ELP6: variants seen among roughly 807,000 people sequenced by gnomAD.
ELP6 encodes the protein elongator acetyltransferase complex subunit 6.
A neutral mutation model predicts 28.1 loss-of-function variants in ELP6; 23 were observed. The observed-to-expected ratio is 0.82, with a 90% CI of 0.59 to 1.16. The LOEUF (loss-of-function observed/expected upper bound fraction) is 1.16. ELP6 is among the 50% of genes most tolerant of loss of function. ELP6 has a pLI of 0.00. For missense variants in ELP6, 313 were observed against 334.6 expected (o/e 0.94, Z 0.50); for synonymous variants, 132 against 135.8 (o/e 0.97, Z 0.19).
chr3:47,511,913 C>T (rs1394721912), intron 1 of ELP6: 2 of 985,078 alleles, frequency 2.0e-6, no homozygotes, highest in East Asian at 1.1e-4. Context: ...TCCACAAATG[C>T]CTTAACTTCT....
chr3:47,499,820 C>T (rs1708591760), intron 5 of ELP6: 1 of 1,129,752 alleles, frequency 8.9e-7, no homozygotes, highest in Non-Finnish European at 1.1e-6. Flanking sequence ...GGGCTGTGGC[C>T]CCAGCTGGAC....
intron 4 of ELP6, among the ~76,000 whole-genome samples, chr3:47,503,954 AAAAC>A (rs1708746883): frequency 6.6e-6 from 1 of 152,216 alleles, no homozygotes; most frequent in Non-Finnish European, 1.5e-5. Context: ...AATATGAAAC[AAAAC>A]AAACAAAACA....
intron 5 of ELP6, among the ~76,000 whole-genome samples, chr3:47,500,993 C>T (rs1708632665): frequency 6.6e-6 from 1 of 152,228 alleles, no homozygotes. Flanking sequence ...CATCTCACTT[C>T]ACTCTTGCAG....
intron 5 of ELP6, among the ~76,000 whole-genome samples, chr3:47,500,884 C>T (rs951282917): frequency 2.0e-5 from 3 of 152,166 alleles, no homozygotes; most frequent in African/African-American, 4.8e-5. Flanking sequence ...TCAGTCTGAC[C>T]GCACCATACC....
chr3:47,510,236 A>C lies in ELP6; in HGVS notation c.152T>G (p.Phe51Cys). The C allele has an allele frequency of 6.2e-7, 1 of 1,613,864 alleles. No homozygotes were observed. Among genetic ancestry groups the C allele is most frequent in the Non-Finnish European group, 8.5e-7 (1 of 1,179,776 alleles). ...FYLKANCKVC[F>C]VALIQSFSHY... ...GCTGAAGGACTGGATGAGTGCCACA[A>C]AGCAGACTTTACAATTAGCTAGAAA... Residue 51 changes from phenylalanine (F) to cysteine (C), a missense_variant, in exon 3 of 7, where the codon TTT becomes TGT. Transcript: ENST00000296149.
chr3:47,513,392 G>A (rs906314607), intron 1 of ELP6, 145 bp downstream of exon 1: 2 of 1,439,868 alleles, frequency 1.4e-6, no homozygotes, highest in Non-Finnish European at 1.8e-6. Context: ...CCAATCCCCG[G>A]GTCGATCCTC....
intron 1 of ELP6, chr3:47,512,402 A>T (rs1247238669): frequency 3.6e-5 from 6 of 165,756 alleles, no homozygotes; most frequent in Non-Finnish European, 6.2e-5. Context: ...CAGCCAAGTA[A>T]TTAGCCCGGT....
Position 47,501,864 on chromosome 3 carries a change from G to A in ELP6, c.324-13C>T, listed in dbSNP as rs763606300. 1.9e-6 allele frequency: 3 copies of A among 1,607,924 alleles called. No homozygotes were observed. Among genetic ancestry groups the A allele is most frequent in the Non-Finnish European group, 1.7e-6 (2 of 1,176,982 alleles). On this transcript the variant is annotated splice_polypyrimidine_tract_variant and intron_variant, in intron 4 of 6. Coordinates refer to ENST00000296149, the MANE Select transcript of ELP6 (RefSeq NM_001031703.3). ...AGCATTAGCCTCCCTGGAGAGACAG[G>A]ACAAAAGTTACCAGACTTCACTCTC... is the stretch of plus-strand genomic sequence containing the variant.
intron 5 of ELP6, chr3:47,500,262 G>C: frequency 1.9e-6 from 2 of 1,038,448 alleles, no homozygotes; most frequent in Non-Finnish European, 2.3e-6. Flanking sequence ...CAGGTTACCA[G>C]TAATGTGAAG....
chr3:47,504,093 T>C (rs1479210103), intron 4 of ELP6: 9 of 464,258 alleles, frequency 1.9e-5, no homozygotes, highest in Non-Finnish European at 3.0e-5. Context: ...GCAAAGCATA[T>C]AGTTCTGCCA....
In ELP6 at chr3:47,498,428, T is replaced by C. The variant is rs758777821; in HGVS notation, c.530A>G (p.Asn177Ser). Residue 177 changes from asparagine (N) to serine (S), a missense_variant, in exon 6 of 7, where the codon AAC (asparagine) becomes AGC (serine). Coordinates refer to ENST00000296149, the MANE Select transcript of ELP6 (RefSeq NM_001031703.3). ...ACTGTCGTGCACAAGGACCACCATGTTTCCCTGCATCAGATACAAGATGGA... is the reference window on the plus strand; with the variant it reads ...ACTGTCGTGCACAAGGACCACCATGCTTCCCTGCATCAGATACAAGATGGA... ...RATVCWELKG[N>S]MVVLVHDSGD... is the part of the protein sequence containing the mutation. 1.9e-6 allele frequency: 3 copies of C among 1,612,260 alleles called. No individual in the cohort carries two copies. The highest frequency in any genetic ancestry group is 2.5e-6 in the Non-Finnish European group (3 of 1,179,942).
chr3:47,510,761 T>C (rs1559595104), intron 2 of ELP6, among the ~76,000 whole-genome samples: 2 of 152,178 alleles, frequency 1.3e-5, no homozygotes, highest in South Asian at 4.1e-4. Flanking sequence ...CGCCCAGCCA[T>C]GCAGCAGCCA....
At position 47,503,142 on chromosome 3, in the gene ELP6, C is replaced by A. The variant is rs944498482; in HGVS notation, c.323+1188G>T. On this transcript the variant is annotated intron_variant, in intron 4 of 6. Coordinates refer to ENST00000296149, the MANE Select transcript of ELP6 (RefSeq NM_001031703.3). Reference sequence around the variant, plus strand: ...CCCCATACCTTGGGATGAGGTATAACCAGCCCCTGCCTTCAAATGAGGAAA... The same window carrying A: ...CCCCATACCTTGGGATGAGGTATAAACAGCCCCTGCCTTCAAATGAGGAAA... The A allele has an allele frequency of 6.1e-6, 7 of 1,144,438 alleles. No homozygotes were observed. In the African/African-American group the frequency reaches 1.1e-4, roughly 19 times the overall value. 70.9% of individuals were successfully genotyped at this position (1,144,438 alleles called of 1,614,324 possible).
intron 5 of ELP6, among the ~76,000 whole-genome samples, chr3:47,501,217 T>C (rs1340209759): frequency 2.6e-5 from 4 of 152,352 alleles, no homozygotes; most frequent in South Asian, 2.1e-4. Context: ...ACCTCTATTA[T>C]GGCAAAAATC....
At chr3:47,513,058 T>C in intron 1 of ELP6, 1 of 966,030 alleles carries the variant, frequency 1.0e-6, no homozygotes, top group Non-Finnish European at 1.2e-6. Context: ...TGGCGAGATC[T>C]CGGGTCACTG....
At chr3:47,498,723 A>G (rs1392661319) in intron 5 of ELP6, 2 of 985,248 alleles carry the variant, frequency 2.0e-6, no homozygotes, top group African/African-American at 1.7e-5. Context: ...GAATGTTACT[A>G]AAAGTGTCAC....
At chr3:47,498,852 C>T (rs1195393496) in intron 5 of ELP6, among the ~76,000 whole-genome samples, 1 of 152,088 alleles carries the variant, frequency 6.6e-6, no homozygotes, top group Non-Finnish European at 1.5e-5. Context: ...CAGATGCTGA[C>T]AATACAGAAT....
At chr3:47,505,136 G>A (rs747222736) in intron 3 of ELP6, among the ~76,000 whole-genome samples, 17 of 151,592 alleles carry the variant, frequency 1.1e-4, no homozygotes, top group Non-Finnish European at 1.9e-4. Flanking sequence ...GCGTGGTGGC[G>A]GGCGCCTGCA....
intron 5 of ELP6, chr3:47,499,988 C>A: frequency 1.5e-6 from 2 of 1,338,702 alleles, no homozygotes; most frequent in Admixed American, 2.1e-5. Context: ...GCTGCTGCTT[C>A]AGACACACTG....
Sources: allele counts gnomAD v4.1 joint callset (sites outside exome capture counted in the v4.1 genomes callset), GRCh38; gene constraint gnomAD v4.1.1; transcripts MANE v1.5; gene names NCBI Gene and HGNC (gene_info 2026-07-23, HGNC 2026-07-21).